The following NTRK2 variants were observed in gnomAD, a reference collection of about 807,000 sequenced individuals.
NTRK2 encodes neurotrophic receptor tyrosine kinase 2.
Under a neutral mutation model 94.5 loss-of-function variants are expected in NTRK2, and 13 were observed. The observed-to-expected ratio is 0.14, with a 90% CI of 0.09 to 0.22. NTRK2 has a LOEUF of 0.22. NTRK2 is among the 10% of genes least tolerant of loss of function. NTRK2 has a pLI of 1.00. For synonymous variants in NTRK2, 372 were observed against 407.4 expected (o/e 0.91, Z 1.05); for missense variants, 639 against 1,071.2 (o/e 0.60, Z 5.63).
chr9:84,710,518 G>A (rs1363755281), intron 5 of NTRK2, 119 bp from the exon 6 acceptor site: 1 of 1,015,556 alleles, frequency 9.8e-7, no homozygotes, highest in African/African-American at 1.6e-5. Context: ...TATGAAAGTG[G>A]TATGACTTCC....
At chr9:84,711,988 G>T (rs903431404) in intron 6 of NTRK2, among the ~76,000 whole-genome samples, 1 of 152,070 alleles carries the variant, frequency 6.6e-6, no homozygotes, top group Non-Finnish European at 1.5e-5. Context: ...TTGATAAGAG[G>T]GTAACTGTTC....
At chr9:85,014,161 G>A (rs1831953375) in intron 17 of NTRK2, among the ~76,000 whole-genome samples, 1 of 152,198 alleles carries the variant, frequency 6.6e-6, no homozygotes, top group Non-Finnish European at 1.5e-5. Context: ...GGACAAGTGA[G>A]ATTTGAGAGG....
intron 16 of NTRK2, 31 bp from the exon 17 acceptor site, chr9:84,955,252 C>A (rs1241561461): frequency 1.9e-6 from 3 of 1,555,264 alleles, no homozygotes; most frequent in South Asian, 2.3e-5. Flanking sequence ...ATGCTGAGGC[C>A]CCCAGCTTCA....
intron 6 of NTRK2, among the ~76,000 whole-genome samples, chr9:84,720,866 A>C (rs1452138422): frequency 1.3e-5 from 2 of 152,220 alleles, no homozygotes; most frequent in Non-Finnish European, 2.9e-5. Context: ...CAACCTTAAA[A>C]GGGGGCTTTA....
At position 85,023,495 on chromosome 9, in the gene NTRK2, G is replaced by A. The variant is rs150017959; in HGVS notation, c.*2058G>A. 34 of 232,668 alleles carry A rather than the reference G, an allele frequency of 1.5e-4. No individual in the cohort carries two copies. Among genetic ancestry groups the A allele is most frequent in the Non-Finnish European group, 2.4e-4 (28 of 117,712 alleles). The allele number at this position is 232,668 out of a possible 1,614,324, so 14.4% of individuals were successfully genotyped here. A position where few individuals can be genotyped will look rare whatever the true frequency, so the allele number is the denominator to read the frequency against. On this transcript the variant is annotated 3_prime_UTR_variant, in exon 19 of 19. Coordinates refer to ENST00000277120, the MANE Select transcript of NTRK2 (RefSeq NM_006180.6). Reference sequence around the variant, plus strand: ...AATCCAGTAGCAACTGCAGTCAAGCGAGGGAGTTGACAAGATAAACCTTAC... The same window carrying A: ...AATCCAGTAGCAACTGCAGTCAAGCAAGGGAGTTGACAAGATAAACCTTAC...
chr9:84,769,491 C>G (rs1564228814), intron 12 of NTRK2, among the ~76,000 whole-genome samples: 1 of 152,194 alleles, frequency 6.6e-6, no homozygotes, highest in Admixed American at 6.5e-5. Flanking sequence ...AAGGCAGAGT[C>G]TTGAATCTCT....
At chr9:84,940,626 A>G (rs1214002669) in intron 15 of NTRK2, among the ~76,000 whole-genome samples, 1 of 152,178 alleles carries the variant, frequency 6.6e-6, no homozygotes, top group Non-Finnish European at 1.5e-5. Flanking sequence ...GGTACAGAAG[A>G]GGCCACCTCT....
intron 13 of NTRK2, among the ~76,000 whole-genome samples, chr9:84,865,041 C>T (rs912184040): frequency 6.6e-6 from 1 of 152,062 alleles, no homozygotes; most frequent in South Asian, 2.1e-4. Flanking sequence ...GCCCGGCCAA[C>T]ACATCTTCAT....
At chr9:84,924,060 G>T (rs1014727501) in intron 14 of NTRK2, among the ~76,000 whole-genome samples, 2 of 151,950 alleles carry the variant, frequency 1.3e-5, no homozygotes, top group African/African-American at 4.8e-5. Context: ...CTCAATGGAG[G>T]TTTATGGCTG....
At chr9:84,706,532 T>TTTA (rs1554699614) in intron 4 of NTRK2, among the ~76,000 whole-genome samples, 2 of 121,014 alleles carry the variant, frequency 1.7e-5, no homozygotes, top group African/African-American at 3.1e-5. Context: ...TTTTTGTTTT[T>TTTA]TTTTTTTTTT....
intron 9 of NTRK2, among the ~76,000 whole-genome samples, chr9:84,735,394 C>A (rs1032866526): frequency 3.9e-5 from 6 of 152,114 alleles, no homozygotes; most frequent in African/African-American, 1.4e-4. Flanking sequence ...TTCTAACAAG[C>A]TCCCCGATGA....
intron 12 of NTRK2, among the ~76,000 whole-genome samples, chr9:84,844,474 G>A (rs1461544211): frequency 6.6e-6 from 1 of 152,070 alleles, no homozygotes; most frequent in East Asian, 1.9e-4. Context: ...TTCTTCTCTT[G>A]TTATATTTGC....
chr9:84,677,826 C>T (rs1042811908), intron 2 of NTRK2, among the ~76,000 whole-genome samples: 71 of 152,180 alleles, frequency 4.7e-4, no homozygotes, highest in African/African-American at 1.7e-3. Flanking sequence ...CACCCCTATC[C>T]TCTTCTCCTG....
intron 14 of NTRK2, chr9:84,876,632 C>T: frequency 1.9e-6 from 2 of 1,058,584 alleles, no homozygotes; most frequent in Non-Finnish European, 2.3e-6. Flanking sequence ...ATATCTTTAC[C>T]CACATGATTT....
chr9:84,876,992 T>C, intron 14 of NTRK2: 1 of 1,061,398 alleles, frequency 9.4e-7, no homozygotes, highest in Non-Finnish European at 1.1e-6. Flanking sequence ...CTTAGTAAGA[T>C]ATTGGTGATA....
At chr9:84,945,086 T>C (rs973010699) in intron 15 of NTRK2, among the ~76,000 whole-genome samples, 1 of 152,178 alleles carries the variant, frequency 6.6e-6, no homozygotes, top group Non-Finnish European at 1.5e-5. Context: ...AACACAAGTT[T>C]GGGGCCAACT....
intron 12 of NTRK2, among the ~76,000 whole-genome samples, chr9:84,855,432 T>G (rs1315180991): frequency 6.6e-6 from 1 of 152,196 alleles, no homozygotes; most frequent in Non-Finnish European, 1.5e-5. Flanking sequence ...GAAGTGGTTC[T>G]TAGCATTTGG....
intron 14 of NTRK2, among the ~76,000 whole-genome samples, chr9:84,913,176 CT>C (rs1407979223): frequency 6.6e-6 from 1 of 151,924 alleles, no homozygotes; most frequent in Non-Finnish European, 1.5e-5. Flanking sequence ...TTTTAGAATT[CT>C]TTTTTTATTT....
chr9:84,833,867 G>A (rs1016194342), intron 12 of NTRK2, among the ~76,000 whole-genome samples: 1 of 152,142 alleles, frequency 6.6e-6, no homozygotes, highest in African/African-American at 2.4e-5. Flanking sequence ...AGGATTTCTG[G>A]GGGCAGGACC....
Sources: allele counts gnomAD v4.1 joint callset (sites outside exome capture counted in the v4.1 genomes callset), GRCh38; gene constraint gnomAD v4.1.1; transcripts MANE v1.5; gene names NCBI Gene and HGNC (gene_info 2026-07-23, HGNC 2026-07-21).